The following LMBR1 variants were observed in gnomAD, a reference collection of about 807,000 sequenced individuals.
LMBR1 encodes the protein limb development membrane protein 1.
In LMBR1, 52 loss-of-function variants were observed where a neutral mutation model predicts 73.9. The ratio of observed to expected loss-of-function variants is 0.70; its 90% CI spans 0.56 to 0.89. LMBR1 has a LOEUF of 0.89. LMBR1 is among the 40% of genes least tolerant of loss of function. The pLI, the probability that LMBR1 is intolerant of heterozygous loss-of-function variation, is 0.00. For missense variants in LMBR1, 539 were observed against 579.8 expected (o/e 0.93, Z 0.72); for synonymous variants, 215 against 209.4 (o/e 1.03, Z -0.23).
At chr7:156,722,995 T>A (rs900214581) in intron 15 of LMBR1, among the ~76,000 whole-genome samples, 1 of 152,042 alleles carries the variant, frequency 6.6e-6, no homozygotes, top group Non-Finnish European at 1.5e-5. Context: ...TAACATCAAA[T>A]CAGGTTGCTA....
At chr7:156,848,232 G>C (rs1795772735) in intron 1 of LMBR1, among the ~76,000 whole-genome samples, 1 of 152,014 alleles carries the variant, frequency 6.6e-6, no homozygotes, top group Non-Finnish European at 1.5e-5. Flanking sequence ...TGACAAATGG[G>C]AATCTAATTA....
At chr7:156,825,625 G>A (rs1014039566) in intron 4 of LMBR1, among the ~76,000 whole-genome samples, 1 of 152,136 alleles carries the variant, frequency 6.6e-6, no homozygotes, top group Non-Finnish European at 1.5e-5. Flanking sequence ...TTCTATGAGA[G>A]ACAAGAGTTC....
chr7:156,874,506 C>T (rs1012018298), intron 1 of LMBR1, among the ~76,000 whole-genome samples: 1 of 152,240 alleles, frequency 6.6e-6, no homozygotes, highest in African/African-American at 2.4e-5. Flanking sequence ...GGAGCCCAGG[C>T]AGGGGAGGCG....
intron 15 of LMBR1, among the ~76,000 whole-genome samples, chr7:156,713,749 G>A (rs796293882): frequency 1.6e-4 from 24 of 152,206 alleles, no homozygotes; most frequent in African/African-American, 5.8e-4. Context: ...CTTTAAACAT[G>A]TGCAGTTTAT....
chr7:156,878,457 G>A (rs756905668), intron 1 of LMBR1, among the ~76,000 whole-genome samples: 2 of 152,076 alleles, frequency 1.3e-5, no homozygotes, highest in South Asian at 2.1e-4. Context: ...TACAACAGCT[G>A]CAAAAAAACA....
intron 4 of LMBR1, among the ~76,000 whole-genome samples, chr7:156,821,730 T>G (rs1428920465): frequency 6.6e-6 from 1 of 152,162 alleles, no homozygotes; most frequent in Non-Finnish European, 1.5e-5. Context: ...ATTTTAATAA[T>G]TAAGTGGATA....
intron 15 of LMBR1, among the ~76,000 whole-genome samples, chr7:156,698,634 T>C (rs897274349): frequency 1.3e-5 from 2 of 152,162 alleles, no homozygotes; most frequent in African/African-American, 2.4e-5. Flanking sequence ...CCTGGCCCTT[T>C]AGTCACGGCT....
chr7:156,800,857 T>C (rs998722716), intron 4 of LMBR1, among the ~76,000 whole-genome samples: 1 of 152,172 alleles, frequency 6.6e-6, no homozygotes, highest in Non-Finnish European at 1.5e-5. Flanking sequence ...AGAAAGTCTC[T>C]GCAGATGTGG....
intron 1 of LMBR1, among the ~76,000 whole-genome samples, chr7:156,880,178 TG>T (rs1800860785): frequency 6.6e-6 from 1 of 152,174 alleles, no homozygotes; most frequent in Non-Finnish European, 1.5e-5. Flanking sequence ...TAAAAAGGAA[TG>T]AAATAATGGC....
At chr7:156,758,487 GT>G (rs1318182912) in intron 8 of LMBR1, among the ~76,000 whole-genome samples, 1 of 152,218 alleles carries the variant, frequency 6.6e-6, no homozygotes, top group Admixed American at 6.5e-5. Context: ...GTGGGACCCT[GT>G]AGGAAGTATT....
intron 1 of LMBR1, among the ~76,000 whole-genome samples, chr7:156,875,419 C>T (rs913812602): frequency 6.6e-6 from 1 of 152,148 alleles, no homozygotes; most frequent in Non-Finnish European, 1.5e-5. Flanking sequence ...AGGAAAATTT[C>T]CCGGGCCTTG....
At chr7:156,863,824 G>A (rs1315617991) in intron 1 of LMBR1, among the ~76,000 whole-genome samples, 1 of 152,110 alleles carries the variant, frequency 6.6e-6, no homozygotes, top group Non-Finnish European at 1.5e-5. Flanking sequence ...TTTAATTTTA[G>A]TATGAAGCAA....
chr7:156,883,567 G>A (rs1308584896), intron 1 of LMBR1, among the ~76,000 whole-genome samples: 2 of 152,178 alleles, frequency 1.3e-5, no homozygotes, highest in African/African-American at 4.8e-5. Flanking sequence ...ATCTCCTATG[G>A]CTGCTGTAAC....
At position 156,829,825 on chromosome 7, in the gene LMBR1, G is replaced by A. The variant is rs114363539; in HGVS notation, c.180-3081C>T. ...TGTCAACCTCCTGCTCATCTGTGCC[G>A]ATCTCTACCTCTGCCGTCTCCAGGG... On this transcript the variant is annotated intron_variant, in intron 3 of 16. Coordinates refer to ENST00000353442, the MANE Select transcript of LMBR1 (RefSeq NM_022458.4). Among the ~76,000 whole-genome samples, 208 of 152,238 alleles carry A rather than the reference G, an allele frequency of 1.4e-3. 2 individuals carry two copies. Among genetic ancestry groups the A allele is most frequent in the African/African-American group, 4.7e-3 (196 of 41,542 alleles).
At chr7:156,847,207 G>A (rs1795611563) in intron 1 of LMBR1, among the ~76,000 whole-genome samples, 1 of 152,108 alleles carries the variant, frequency 6.6e-6, no homozygotes, top group South Asian at 2.1e-4. Context: ...TCAACAAATG[G>A]TGCTGAAACA....
At chr7:156,717,774 G>A (rs1313392994) in intron 15 of LMBR1, among the ~76,000 whole-genome samples, 1 of 152,180 alleles carries the variant, frequency 6.6e-6, no homozygotes, top group African/African-American at 2.4e-5. Flanking sequence ...TCATCAGAAA[G>A]AAGGAGAATG....
At chr7:156,763,552 C>T (rs1823525177) in intron 6 of LMBR1, 117 bp downstream of exon 6, 1 of 791,104 alleles carries the variant, frequency 1.3e-6, no homozygotes, top group Non-Finnish European at 1.9e-6. Context: ...TGTAAATTAA[C>T]ATCAAACATC....
intron 15 of LMBR1, among the ~76,000 whole-genome samples, chr7:156,704,187 T>C (rs1211258642): frequency 6.6e-6 from 1 of 152,150 alleles, no homozygotes; most frequent in South Asian, 2.1e-4. Flanking sequence ...CACTGTCCCA[T>C]GGCACAAGAA....
intron 4 of LMBR1, among the ~76,000 whole-genome samples, chr7:156,801,644 G>A (rs756892480): frequency 3.3e-5 from 5 of 152,078 alleles, no homozygotes; most frequent in African/African-American, 4.8e-5. Context: ...TGATCCTCCC[G>A]CCTCAGCCTA....
Sources: allele counts gnomAD v4.1 joint callset (sites outside exome capture counted in the v4.1 genomes callset), GRCh38; gene constraint gnomAD v4.1.1; transcripts MANE v1.5; gene names NCBI Gene and HGNC (gene_info 2026-07-23, HGNC 2026-07-21).